The following PCSK5 variants were observed in gnomAD, a reference collection of about 807,000 sequenced individuals.
The protein encoded by PCSK5 is proprotein convertase subtilisin/kexin type 5, also known as prohormone convertase 5.
A neutral mutation model predicts 233.2 loss-of-function variants in PCSK5; 129 were observed. That is an observed-to-expected ratio of 0.55 (90% CI 0.48 to 0.64). PCSK5 has a LOEUF of 0.64. Among genes scored for constraint, PCSK5 ranks in the 30% least tolerant of loss-of-function variants. The pLI, the probability that PCSK5 is intolerant of heterozygous loss-of-function variation, is 0.00. For synonymous variants in PCSK5, 825 were observed against 879.2 expected (o/e 0.94, Z 1.09); for missense variants, 2,076 against 2,430.1 (o/e 0.85, Z 3.06).
At chr9:76,119,570 C>T (rs1296292969) in intron 9 of PCSK5, among the ~76,000 whole-genome samples, 1 of 152,052 alleles carries the variant, frequency 6.6e-6, no homozygotes, top group Non-Finnish European at 1.5e-5. Flanking sequence ...CTAGGAAGCT[C>T]TTTCCTATGT....
rs1830234834 is a variant in PCSK5, at chr9:76,354,091, G to A, written c.5126G>A (p.Gly1709Glu). ...AGCTGCATGGAATGCAAGGGACCAG[G>A]GGCCAAGAACTGCACCTTGTGCCCT... ...HESCMECKGPGAKNCTLCPAN... is the reference protein window; with the variant it reads ...HESCMECKGPEAKNCTLCPAN... Residue 1709 changes from glycine (G) to glutamate (E), a missense_variant, in exon 37 of 38, where the codon GGG (glycine) becomes GAG (glutamate). Gly to Glu is a moderately conservative substitution (Grantham distance 98, BLOSUM62 -2). Transcript: ENST00000674117. 1.2e-6 allele frequency: 2 copies of A among 1,609,058 alleles called. No homozygotes were observed. Among genetic ancestry groups the A allele is most frequent in the African/African-American group, 2.7e-5 (2 of 75,010 alleles).
intron 2 of PCSK5, among the ~76,000 whole-genome samples, chr9:75,967,119 C>T (rs528015296): frequency 1.3e-5 from 2 of 151,996 alleles, no homozygotes; most frequent in East Asian, 3.9e-4. Flanking sequence ...ATAATATCAA[C>T]TTCTATTTTA....
At position 76,157,175 on chromosome 9, in the gene PCSK5, G is replaced by C; in HGVS notation, c.1430+13G>C. On this transcript the variant is annotated intron_variant, in intron 11 of 37. Transcript: ENST00000674117. ...ACCGACAAATCAAGTAATGCTTGCT[G>C]CCGGCAAACAGCATGACAATGCCCC... 1 of 1,567,818 alleles carries C rather than the reference G, an allele frequency of 6.4e-7. No individual in the cohort carries two copies. The highest frequency in any genetic ancestry group is 1.3e-5 in the African/African-American group (1 of 74,156).
chr9:76,177,988 A>AT (rs1468888945), intron 14 of PCSK5, among the ~76,000 whole-genome samples: 51 of 151,940 alleles, frequency 3.4e-4, no homozygotes, highest in African/African-American at 1.2e-3. Flanking sequence ...TCTGGTGAAA[A>AT]TTTAGGGCCA....
chr9:76,040,260 A>G (rs1378406548), intron 5 of PCSK5, among the ~76,000 whole-genome samples: 1 of 151,956 alleles, frequency 6.6e-6, no homozygotes, highest in East Asian at 1.9e-4. Context: ...GATTGTAAAA[A>G]TCAATTGCAC....
At chr9:76,063,267 T>C (rs1830098208) in intron 5 of PCSK5, among the ~76,000 whole-genome samples, 1 of 150,772 alleles carries the variant, frequency 6.6e-6, no homozygotes, top group Non-Finnish European at 1.5e-5. Flanking sequence ...CCTGAGTATG[T>C]AGGACAACAG....
At chr9:76,225,241 G>A (rs1020200713) in intron 20 of PCSK5, among the ~76,000 whole-genome samples, 7 of 152,140 alleles carry the variant, frequency 4.6e-5, no homozygotes, top group South Asian at 2.1e-4. Flanking sequence ...GAGAACCCAC[G>A]AGTAGGGTCT....
At chr9:75,935,224 C>T (rs1390899624) in intron 2 of PCSK5, among the ~76,000 whole-genome samples, 5 of 152,108 alleles carry the variant, frequency 3.3e-5, no homozygotes, top group African/African-American at 4.8e-5. Flanking sequence ...CATGCCACCA[C>T]GCCCAGCTAA....
At position 75,948,038 on chromosome 9, in the gene PCSK5, G is replaced by T. The variant is rs569047436; in HGVS notation, c.297+15555G>T. ...TTTTTTAAATTTTTTGTACAGACAG[G>T]GTCTCACTAGGTTGGCTAGGCTGGT... is the stretch of plus-strand genomic sequence containing the variant. On this transcript the variant is annotated intron_variant, in intron 2 of 37. Coordinates refer to ENST00000674117, the MANE Select transcript of PCSK5 (RefSeq NM_001372043.1). Among the ~76,000 whole-genome samples the T allele has an allele frequency of 2.0e-5, 3 of 151,944 alleles. No homozygotes were observed. In the South Asian group the frequency reaches 6.3e-4, roughly 32 times the overall value.
chr9:75,930,822 A>G (rs1480978181), intron 1 of PCSK5, among the ~76,000 whole-genome samples: 1 of 152,196 alleles, frequency 6.6e-6, no homozygotes, highest in Non-Finnish European at 1.5e-5. Flanking sequence ...CTTGTAAAGG[A>G]TTATGCAACC....
At chr9:76,053,604 A>T (rs950235064) in intron 5 of PCSK5, among the ~76,000 whole-genome samples, 1 of 152,206 alleles carries the variant, frequency 6.6e-6, no homozygotes, top group Admixed American at 6.5e-5. Flanking sequence ...AAAATACCAC[A>T]GTCTCTTTCT....
intron 1 of PCSK5, among the ~76,000 whole-genome samples, chr9:75,925,962 G>A (rs566573624): frequency 1.2e-4 from 18 of 152,154 alleles, no homozygotes; most frequent in African/African-American, 4.3e-4. Flanking sequence ...TGGAAGTTTC[G>A]GACTTTTCAG....
chr9:76,111,851 A>G (rs1587642652), intron 9 of PCSK5, among the ~76,000 whole-genome samples: 1 of 152,306 alleles, frequency 6.6e-6, no homozygotes, highest in East Asian at 1.9e-4. Context: ...AGGTCCTAGT[A>G]TATGTTCCCA....
chr9:75,897,494 T>TTC (rs1405248094), intron 1 of PCSK5, among the ~76,000 whole-genome samples: 4 of 143,984 alleles, frequency 2.8e-5, no homozygotes, highest in Non-Finnish European at 4.5e-5. Flanking sequence ...CTTTTCTTTT[T>TTC]TTTTTTTTTT....
At chr9:75,967,084 TTTTA>T (rs1030752322) in intron 2 of PCSK5, among the ~76,000 whole-genome samples, 14 of 151,862 alleles carry the variant, frequency 9.2e-5, no homozygotes, top group Admixed American at 5.3e-4. Context: ...TTTTTAAGTG[TTTTA>T]TTTATTTATT....
chr9:76,096,970 C>T (rs1385424575), intron 8 of PCSK5, among the ~76,000 whole-genome samples: 4 of 148,662 alleles, frequency 2.7e-5, no homozygotes, highest in East Asian at 2.0e-4. Flanking sequence ...CTCGCTCTTT[C>T]GCCCAGGCTG....
chr9:76,070,388 A>G (rs964116031), intron 6 of PCSK5, among the ~76,000 whole-genome samples: 1 of 152,212 alleles, frequency 6.6e-6, no homozygotes, highest in Non-Finnish European at 1.5e-5. Context: ...AGAGTCTAGA[A>G]GAAAGACAGT....
At chr9:76,207,304 A>G (rs2131279539) in intron 20 of PCSK5, among the ~76,000 whole-genome samples, 1 of 152,274 alleles carries the variant, frequency 6.6e-6, no homozygotes, top group South Asian at 2.1e-4. Flanking sequence ...GGCCTCCCAC[A>G]CTTGGATTTT....
Position 76,361,923 on chromosome 9 carries a change from T to C in PCSK5, c.*3001T>C, listed in dbSNP as rs1307435328. 3 of 152,228 alleles carry C rather than the reference T, an allele frequency of 2.0e-5. No individual in the cohort carries two copies. Among genetic ancestry groups the C allele is most frequent in the African/African-American group, 7.2e-5 (3 of 41,472 alleles). The allele number at this position is 152,228 out of a possible 1,614,324, so 9.4% of individuals were successfully genotyped here. On this transcript the variant is annotated 3_prime_UTR_variant, in exon 38 of 38. Transcript: ENST00000674117. ...ATTCTAAAGCTCTGATAGACTGAGT[T>C]TGACATTTCTTTCTGTAAACTGGAA...
Sources: allele counts gnomAD v4.1 joint callset (sites outside exome capture counted in the v4.1 genomes callset), GRCh38; gene constraint gnomAD v4.1.1; transcripts MANE v1.5; gene names NCBI Gene and HGNC (gene_info 2026-07-23, HGNC 2026-07-21).